Variants in TMEM182 observed in about 807,000 individuals in gnomAD.
TMEM182 encodes transmembrane protein 182.
A neutral mutation model predicts 26.8 loss-of-function variants in TMEM182; 20 were observed. That is an observed-to-expected ratio of 0.75 (90% confidence interval 0.53 to 1.09). TMEM182 has a LOEUF of 1.09. Ranked by LOEUF, TMEM182 falls within the 50% of genes least tolerant of loss-of-function variation. The pLI is 0.00. For missense variants in TMEM182, 277 were observed against 275.5 expected, an observed-to-expected ratio of 1.01 and a Z score of -0.04; for synonymous variants, 109 against 102.2, an observed-to-expected ratio of 1.07 and a Z score of -0.40.
intron 3 of TMEM182, among the ~76,000 whole-genome samples, chr2:102,765,988 C>T (rs1176314853): frequency 2.6e-5 from 4 of 152,124 alleles, no homozygotes; most frequent in Non-Finnish European, 4.4e-5. Context: ...TTTTGTTTTA[C>T]AGACAAGCTA....
chr2:102,792,958 C>T (rs893420394), intron 3 of TMEM182, among the ~76,000 whole-genome samples: 14 of 152,160 alleles, frequency 9.2e-5, no homozygotes, highest in Admixed American at 7.9e-4. Context: ...TCTGCTTCAT[C>T]GTGTGTCTCC....
intron 3 of TMEM182, among the ~76,000 whole-genome samples, chr2:102,768,594 A>C (rs920399862): frequency 9.2e-5 from 14 of 151,688 alleles, no homozygotes; most frequent in Admixed American, 3.3e-4. Flanking sequence ...CCAACTACTC[A>C]GGAGGCTGAG....
chr2:102,775,958 A>G (rs1680898232), intron 3 of TMEM182, among the ~76,000 whole-genome samples: 1 of 152,150 alleles, frequency 6.6e-6, no homozygotes, highest in South Asian at 2.1e-4. Context: ...TGTAAATAAT[A>G]TTATATTTTA....
At chr2:102,799,410 C>T (rs942850596) in intron 4 of TMEM182, among the ~76,000 whole-genome samples, 3 of 152,108 alleles carry the variant, frequency 2.0e-5, no homozygotes, top group African/African-American at 7.2e-5. Context: ...ACAGAAGGTT[C>T]CCTGAAAAAT....
intron 3 of TMEM182, among the ~76,000 whole-genome samples, chr2:102,822,888 GAAGAAGAAAGAAGAAAGA>G (rs1327025945): frequency 1.3e-4 from 19 of 151,970 alleles, no homozygotes; most frequent in Middle Eastern, 3.4e-3. Context: ...GACAAAAGAA[GAAGAAGAAAGAAGAAAGA>G]AAGAAGAAAG....
chr2:102,764,396 G>T lies in TMEM182; in HGVS notation c.300G>T (p.Glu100Asp). 2.5e-6 allele frequency: 4 copies of T among 1,613,808 alleles called. No individual in the cohort carries two copies. The South Asian group carries it at 4.4e-5, about 18-fold the overall frequency. ...CTCCGTACCCCTTCATGAGAGGCGAGCACAACTCGACCTCCTATGACTCTG... is the reference window on the plus strand; with the variant it reads ...CTCCGTACCCCTTCATGAGAGGCGATCACAACTCGACCTCCTATGACTCTG... ...YLSPYPFMRG[E>D]HNSTSYDSAV... Residue 100 changes from glutamate to aspartate, a missense_variant, in exon 3 of 5, where the codon GAG becomes GAT. By Grantham distance (45) the Glu-to-Asp change is conservative. Coordinates refer to ENST00000412401, the MANE Select transcript of TMEM182 (RefSeq NM_144632.5).
intron 1 of TMEM182, among the ~76,000 whole-genome samples, chr2:102,742,244 T>C (rs1679565044): frequency 1.3e-5 from 2 of 152,144 alleles, no homozygotes; most frequent in Admixed American, 1.3e-4. Flanking sequence ...AAATGAAAAT[T>C]GCTTTTGATG....
chr2:102,745,647 C>T (rs920915969), intron 1 of TMEM182, among the ~76,000 whole-genome samples: 1 of 152,124 alleles, frequency 6.6e-6, no homozygotes, highest in African/African-American at 2.4e-5. Flanking sequence ...AACCTCCAGT[C>T]CCTCTCAGCC....
chr2:102,772,145 A>G (rs1680702059), intron 3 of TMEM182, among the ~76,000 whole-genome samples: 3 of 152,194 alleles, frequency 2.0e-5, no homozygotes, highest in South Asian at 4.1e-4. Flanking sequence ...CGAAGGAGAA[A>G]GGAGCTGTCT....
At chr2:102,793,308 A>T (rs369262260) in intron 3 of TMEM182, among the ~76,000 whole-genome samples, 1 of 152,246 alleles carries the variant, frequency 6.6e-6, no homozygotes, top group African/African-American at 2.4e-5. Flanking sequence ...GATATGGAAC[A>T]TGGCCACTAC....
intron 3 of TMEM182, among the ~76,000 whole-genome samples, chr2:102,778,609 T>C (rs555543194): frequency 2.6e-5 from 4 of 152,228 alleles, no homozygotes; most frequent in African/African-American, 9.6e-5. Context: ...GAAATATTTT[T>C]AGAATTCTGT....
chr2:102,777,686 T>A (rs1363228433), intron 3 of TMEM182, among the ~76,000 whole-genome samples: 1 of 152,002 alleles, frequency 6.6e-6, no homozygotes, highest in East Asian at 1.9e-4. Context: ...ATTTCCTACA[T>A]AGATAATCAT....
At chr2:102,788,061 A>C (rs1681473510) in intron 3 of TMEM182, among the ~76,000 whole-genome samples, 1 of 152,122 alleles carries the variant, frequency 6.6e-6, no homozygotes, top group South Asian at 2.1e-4. Flanking sequence ...TATTAAAAAT[A>C]TTTGTTTATT....
At chr2:102,809,654 G>T (rs1006034586) in intron 4 of TMEM182, among the ~76,000 whole-genome samples, 1 of 152,198 alleles carries the variant, frequency 6.6e-6, no homozygotes, top group African/African-American at 2.4e-5. Context: ...TGACCTTGGT[G>T]GACAAATAAG....
Position 102,829,426 on chromosome 2 carries a change from T to G in TMEM182, c.326-13986T>G, listed in dbSNP as rs561662048. ...GGCTAAAGAAAGGTGGGTTGGGCAG[T>G]CAGGTTCTTCTCCCTCTCGCACCTT... is the stretch of plus-strand genomic sequence containing the variant. On this transcript the variant is annotated intron_variant, in intron 3 of 3. Transcript: ENST00000486293. Among the ~76,000 whole-genome samples the G allele has an allele frequency of 9.2e-5, 14 of 152,328 alleles. 1 individual carries two copies. The highest frequency in any genetic ancestry group is 8.5e-4 in the Admixed American group (13 of 15,286).
At chr2:102,831,088 T>G (rs1295536838) in intron 3 of TMEM182, among the ~76,000 whole-genome samples, 2 of 152,246 alleles carry the variant, frequency 1.3e-5, no homozygotes, top group Non-Finnish European at 2.9e-5. Flanking sequence ...GTCCACCTTT[T>G]CTTTATCTGC....
chr2:102,809,429 A>T (rs1313294018), intron 4 of TMEM182, among the ~76,000 whole-genome samples: 1 of 152,196 alleles, frequency 6.6e-6, no homozygotes, highest in Non-Finnish European at 1.5e-5. Context: ...TCCTTAGCAC[A>T]CTTACCCAGG....
rs1308298698 is a variant in TMEM182, at chr2:102,814,765, G to T, written c.487G>T (p.Val163Leu). 5.0e-6 allele frequency: 8 copies of T among 1,613,522 alleles called. No homozygotes were observed. The highest frequency in any genetic ancestry group is 1.7e-5 in the Admixed American group (1 of 59,892). Reference sequence around the variant, plus strand: ...CTTCTCAGGCATCCTATTTTCATTGGTGGTGATGCTGTATGTCATCTGGGT... The same window carrying T: ...CTTCTCAGGCATCCTATTTTCATTGTTGGTGATGCTGTATGTCATCTGGGT... The part of the protein sequence containing the change: ...YIAAGILFSL[V>L]VMLYVIWVQA... Residue 163 changes from valine to leucine, a missense_variant, in exon 5 of 5, where the codon GTG becomes TTG. Transcript: ENST00000412401.
intron 1 of TMEM182, among the ~76,000 whole-genome samples, chr2:102,755,111 T>A (rs1333672106): frequency 6.6e-6 from 1 of 152,150 alleles, no homozygotes. Flanking sequence ...CTAAAAGAAA[T>A]ATTATTTCCA....
Sources: gnomAD v4.1 joint callset for allele counts (sites outside exome capture counted in the v4.1 genomes callset) on GRCh38, gnomAD v4.1.1 for gene constraint, MANE v1.5 for transcripts, NCBI Gene and HGNC (gene_info 2026-07-23, HGNC 2026-07-21) for gene names.